The following ARL6 variants were observed in gnomAD, a reference collection of about 807,000 sequenced individuals.
ARL6 encodes the protein ADP-ribosylation factor-like protein 6.
A neutral mutation model predicts 27.1 loss-of-function variants in ARL6; 18 were observed. The observed-to-expected ratio is 0.66, with a 90% CI of 0.46 to 0.98. The LOEUF is 0.98. Ranked by LOEUF, ARL6 falls within the 50% of genes least tolerant of loss-of-function variation. ARL6 has a pLI of 0.00. For synonymous variants in ARL6, 65 were observed against 72.3 expected, an observed-to-expected ratio of 0.90 and a Z score of 0.51; for missense variants, 187 against 214.9, an observed-to-expected ratio of 0.87 and a Z score of 0.81.
At chr3:97,780,298 C>T in intron 3 of ARL6, 78 bp downstream of exon 3, 1 of 1,113,358 alleles carries the variant, frequency 9.0e-7, no homozygotes. Flanking sequence ...ATTCTTCCTA[C>T]CCTTAGATAA....
chr3:97,786,576 G>A (rs538893213), intron 5 of ARL6, among the ~76,000 whole-genome samples: 1 of 152,256 alleles, frequency 6.6e-6, no homozygotes, highest in East Asian at 1.9e-4. Context: ...AGATTCCCAA[G>A]GGAGGGATTT....
chr3:97,797,016 A>G (rs1261284484), intron 7 of ARL6, among the ~76,000 whole-genome samples: 1 of 152,140 alleles, frequency 6.6e-6, no homozygotes, highest in African/African-American at 2.4e-5. Flanking sequence ...ATAAAAGGAA[A>G]TAAACCAAGA....
intron 5 of ARL6, among the ~76,000 whole-genome samples, chr3:97,785,795 G>C (rs922853299): frequency 3.3e-5 from 5 of 152,050 alleles, no homozygotes; most frequent in Non-Finnish European, 7.4e-5. Flanking sequence ...AAGTATTGTG[G>C]AACTCTGCAT....
chr3:97,781,031 C>G (rs1384531838), intron 4 of ARL6, among the ~76,000 whole-genome samples: 3 of 152,080 alleles, frequency 2.0e-5, no homozygotes, highest in African/African-American at 7.2e-5. Flanking sequence ...TTATTGTTCA[C>G]CTGGCACTTT....
chr3:97,798,257 C>G lies in ARL6; in HGVS notation c.*208C>G, dbSNP rs1195536636. The G allele has an allele frequency of 1.1e-5, 6 of 551,648 alleles. No individual in the cohort carries two copies. The highest frequency in any genetic ancestry group is 2.0e-5 in the Non-Finnish European group (6 of 305,916). 34.2% of individuals were successfully genotyped at this position (551,648 alleles called of 1,614,324 possible). On this transcript the variant is annotated 3_prime_UTR_variant, in exon 8 of 8. Coordinates refer to ENST00000463745, the MANE Select transcript of ARL6 (RefSeq NM_001278293.3). ...AAAACTAAATATTCCCTCAAAAGGG[C>G]TCCCTAGAATTATCAAGTTCTTAGT...
At chr3:97,768,408 AATTATTAAACTGGAAT>A (rs1288337313) in intron 2 of ARL6, among the ~76,000 whole-genome samples, 178 bp downstream of exon 2, 4 of 152,110 alleles carry the variant, frequency 2.6e-5, no homozygotes, top group Non-Finnish European at 5.9e-5. Context: ...AGTAAATTTT[AATTATTAAACTGGAAT>A]ATTATTTTCA....
intron 7 of ARL6, among the ~76,000 whole-genome samples, chr3:97,792,937 C>G (rs939900188): frequency 6.6e-6 from 1 of 152,010 alleles, no homozygotes. Flanking sequence ...TTCTTCTACA[C>G]AAACCTTTTA....
chr3:97,797,922 A>C, intron 7 of ARL6, 102 bp from the exon 8 acceptor site: 2 of 1,076,974 alleles, frequency 1.9e-6, no homozygotes, highest in South Asian at 2.6e-5. Context: ...GCACATGTAT[A>C]CATAAGTTTC....
At chr3:97,782,630 T>G (rs889730672) in intron 4 of ARL6, among the ~76,000 whole-genome samples, 2 of 151,882 alleles carry the variant, frequency 1.3e-5, no homozygotes, top group African/African-American at 4.8e-5. Context: ...TTTATTGATA[T>G]CTGTTAAAAT....
chr3:97,788,113 A>G lies in ARL6; in HGVS notation c.473A>G (p.His158Arg), dbSNP rs774204609. 80 of 1,612,702 alleles carry G rather than the reference A, an allele frequency of 5.0e-5. No individual in the cohort carries two copies. Among genetic ancestry groups the G allele is most frequent in the Non-Finnish European group, 6.0e-5 (71 of 1,179,492 alleles). The change falls in exon 6 of 8, where the codon CAT (histidine) becomes CGT (arginine). Residue 158 changes from histidine (H) to arginine (R), a missense_variant. Coordinates refer to ENST00000463745, the MANE Select transcript of ARL6 (RefSeq NM_001278293.3). ...GAGAACATCAAAGATAAACCCTGGC[A>G]TATTTGGTAAAGTTTTATATTTACT... ...CLENIKDKPW[H>R]ICASDAIKGE... is the part of the protein sequence containing the mutation.
At chr3:97,772,529 A>G (rs772679154) in intron 2 of ARL6, among the ~76,000 whole-genome samples, 6 of 132,066 alleles carry the variant, frequency 4.5e-5, no homozygotes, top group Non-Finnish European at 1.0e-4. Flanking sequence ...TATGATCTTT[A>G]TTTATTTCCT....
At chr3:97,765,150 G>A (rs1345770821) in intron 1 of ARL6, among the ~76,000 whole-genome samples, 173 bp downstream of exon 1, 1 of 151,700 alleles carries the variant, frequency 6.6e-6, no homozygotes. Flanking sequence ...TACTAAACTG[G>A]TTTGGACGTA....
At chr3:97,792,027 A>G (rs999437973) in intron 7 of ARL6, 8 of 560,678 alleles carry the variant, frequency 1.4e-5, no homozygotes, top group Middle Eastern at 4.8e-4. Context: ...ATTTATTTAC[A>G]TAAAGTGTTT....
intron 7 of ARL6, among the ~76,000 whole-genome samples, chr3:97,792,819 TTTCTGAGCATAACA>T (rs1365111687): frequency 6.6e-6 from 1 of 152,192 alleles, no homozygotes; most frequent in Non-Finnish European, 1.5e-5. Context: ...AGAAATTCCA[TTTCTGAGCATAACA>T]ACTAGAGATC....
At chr3:97,788,270 G>A in intron 6 of ARL6, 151 bp downstream of exon 6, 1 of 890,564 alleles carries the variant, frequency 1.1e-6, no homozygotes, top group South Asian at 1.8e-5. Context: ...TGGCATTGTA[G>A]GTTTTTACAA....
chr3:97,794,177 TTGTGTGTGTGTGTGTGTGTG>T (rs370867493), intron 7 of ARL6, among the ~76,000 whole-genome samples: 1 of 137,382 alleles, frequency 7.3e-6, no homozygotes, highest in South Asian at 2.5e-4. Context: ...TTTCTTTCTT[TTGTGTGTGTGTGTGTGTGTG>T]TGTGTGTGTG....
intron 6 of ARL6, among the ~76,000 whole-genome samples, chr3:97,790,095 G>GT (rs1369831528): frequency 6.7e-6 from 1 of 149,520 alleles, no homozygotes; most frequent in Admixed American, 6.7e-5. Flanking sequence ...GTGTGTGCAT[G>GT]TTGTGTGTAT....
chr3:97,783,708 T>G (rs2037312635), intron 4 of ARL6, among the ~76,000 whole-genome samples: 1 of 151,840 alleles, frequency 6.6e-6, no homozygotes, highest in African/African-American at 2.4e-5. Context: ...AAGTTTTATT[T>G]TGTATATCAT....
chr3:97,796,839 T>C (rs531556780), intron 7 of ARL6, among the ~76,000 whole-genome samples: 4 of 152,242 alleles, frequency 2.6e-5, no homozygotes, highest in South Asian at 4.1e-4. Context: ...GAGGGAATAA[T>C]AGAATTATAT....
Sources: allele counts gnomAD v4.1 joint callset (sites outside exome capture counted in the v4.1 genomes callset), GRCh38; gene constraint gnomAD v4.1.1; transcripts MANE v1.5; gene names NCBI Gene and HGNC (gene_info 2026-07-23, HGNC 2026-07-21).